Variants in CSMD1 observed in about 807,000 individuals in gnomAD.
CSMD1 encodes the protein CUB and sushi domain-containing protein 1.
In CSMD1, 213 loss-of-function variants were observed where a neutral mutation model predicts 417.5. The observed-to-expected ratio is 0.51, with a 90% CI of 0.46 to 0.57. CSMD1 has a LOEUF of 0.57. Ranked by LOEUF, CSMD1 falls within the 20% of genes least tolerant of loss-of-function variation. The probability of loss-of-function intolerance (pLI) is 0.00; values close to 1 mark genes in which losing one functional copy is unlikely to be tolerated. For missense variants in CSMD1, 6,923 were observed against 4,529.7 expected (o/e 1.53, Z -15.17); for synonymous variants, 2,862 against 1,736.8 (o/e 1.65, Z -16.11).
At chr8:4,015,447 C>A (rs1796475194) in intron 4 of CSMD1, among the ~76,000 whole-genome samples, 1 of 152,024 alleles carries the variant, frequency 6.6e-6, no homozygotes, top group South Asian at 2.1e-4. Context: ...GACATATTGC[C>A]ATTTCCAGTC....
chr8:4,093,465 A>G (rs1404953926), intron 3 of CSMD1, among the ~76,000 whole-genome samples: 1 of 152,230 alleles, frequency 6.6e-6, no homozygotes, highest in East Asian at 1.9e-4. Flanking sequence ...CTGAATTAAG[A>G]TATTAAATAG....
intron 6 of CSMD1, among the ~76,000 whole-genome samples, chr8:3,710,773 C>T (rs1298608683): frequency 3.3e-5 from 5 of 152,120 alleles, no homozygotes; most frequent in African/African-American, 4.8e-5. Flanking sequence ...ATTATGACAC[C>T]GCCAGCTCAT....
intron 3 of CSMD1, among the ~76,000 whole-genome samples, chr8:4,275,489 G>T (rs1213212109): frequency 2.3e-5 from 3 of 132,390 alleles, no homozygotes; most frequent in Non-Finnish European, 5.1e-5. Context: ...CTCGTAGAGG[G>T]AGTGATAGGA....
intron 37 of CSMD1, among the ~76,000 whole-genome samples, chr8:3,175,475 C>CTTT (rs1563111503): frequency 1.5e-5 from 2 of 132,470 alleles, no homozygotes; most frequent in Admixed American, 1.6e-4. Flanking sequence ...TCCTTCTTTT[C>CTTT]CCTTCCTTCC....
At chr8:4,068,775 A>C (rs1799391703) in intron 3 of CSMD1, among the ~76,000 whole-genome samples, 1 of 152,204 alleles carries the variant, frequency 6.6e-6, no homozygotes, top group Admixed American at 6.5e-5. Flanking sequence ...TTCTGAACAG[A>C]TTAGAATATT....
chr8:4,561,760 A>T (rs976699870), intron 2 of CSMD1, among the ~76,000 whole-genome samples: 1 of 152,204 alleles, frequency 6.6e-6, no homozygotes, highest in Non-Finnish European at 1.5e-5. Context: ...TATTTTGCAG[A>T]CACTTTACCT....
chr8:4,138,575 T>A (rs981159868), intron 3 of CSMD1, among the ~76,000 whole-genome samples: 1 of 152,080 alleles, frequency 6.6e-6, no homozygotes, highest in African/African-American at 2.4e-5. Context: ...CTGGATCAGA[T>A]CCTAGATTCT....
chr8:4,390,974 T>A (rs1188919588), intron 3 of CSMD1, among the ~76,000 whole-genome samples: 1 of 152,218 alleles, frequency 6.6e-6, no homozygotes. Context: ...ACAGATTCTG[T>A]AACTTTCTAC....
chr8:4,762,706 C>T (rs1318180718), intron 1 of CSMD1, among the ~76,000 whole-genome samples: 2 of 152,126 alleles, frequency 1.3e-5, no homozygotes, highest in Non-Finnish European at 2.9e-5. Context: ...CCAGATGCAT[C>T]ACCAGAGCGA....
At chr8:3,973,516 G>T (rs1388446808) in intron 5 of CSMD1, among the ~76,000 whole-genome samples, 2 of 151,986 alleles carry the variant, frequency 1.3e-5, no homozygotes, top group African/African-American at 2.4e-5. Flanking sequence ...AATCATTCTG[G>T]TATAAGAACA....
At chr8:3,673,476 G>C (rs1422499229) in intron 7 of CSMD1, among the ~76,000 whole-genome samples, 1 of 152,174 alleles carries the variant, frequency 6.6e-6, no homozygotes, top group Non-Finnish European at 1.5e-5. Flanking sequence ...GCAAGAATGT[G>C]TTTAACAACC....
Position 3,264,682 on chromosome 8 carries a change from A to C in CSMD1, c.4153+19462T>G, listed in dbSNP as rs566583201. 1.1e-3 allele frequency among the ~76,000 whole-genome samples: 165 copies of C among 152,288 alleles called. 1 individual carries two copies. Among genetic ancestry groups the C allele is most frequent in the Non-Finnish European group, 2.1e-3 (142 of 68,020 alleles). ...TCATCAAAACTGTGGGGTCGTAAAA[A>C]GAGTATTGTGTCCTAATTTAACTTA... On this transcript the variant is annotated intron_variant, in intron 26 of 69. Transcript: ENST00000635120.
chr8:4,279,231 C>A (rs186463752), intron 3 of CSMD1, among the ~76,000 whole-genome samples: 2 of 151,792 alleles, frequency 1.3e-5, no homozygotes, highest in Admixed American at 1.3e-4. Context: ...ATTAAGCAGT[C>A]GATGGCACAA....
chr8:4,296,386 A>C (rs993332366), intron 3 of CSMD1, among the ~76,000 whole-genome samples: 1 of 152,214 alleles, frequency 6.6e-6, no homozygotes, highest in African/African-American at 2.4e-5. Flanking sequence ...TTATTTCTAA[A>C]CATAATAATG....
chr8:3,275,656 C>G (rs560397511), intron 26 of CSMD1, among the ~76,000 whole-genome samples: 1 of 152,116 alleles, frequency 6.6e-6, no homozygotes, highest in African/African-American at 2.4e-5. Flanking sequence ...CTAAACTTCC[C>G]TTCTCGCTTC....
chr8:4,829,772 G>A (rs1196406340), intron 1 of CSMD1, among the ~76,000 whole-genome samples: 1 of 150,150 alleles, frequency 6.7e-6, no homozygotes, highest in African/African-American at 2.5e-5. Flanking sequence ...TCACATTTAT[G>A]TAGCTGTTTC....
rs73660329 is a variant in CSMD1, at chr8:3,595,926, G to A, written c.1098-9666C>T. 3.8e-3 allele frequency among the ~76,000 whole-genome samples: 572 copies of A among 152,240 alleles called. 1 individual carries two copies. The highest frequency in any genetic ancestry group is 0.013 in the African/African-American group (540 of 41,532). The stretch of plus-strand genomic sequence containing the variant: ...CATGGCTTGGGAAGGAGCTTTGCCC[G>A]CAAGCCCCTCTCCCATCTTCTTCTC... On this transcript the variant is annotated intron_variant, in intron 8 of 69. Transcript: ENST00000635120.
chr8:3,440,939 G>C lies in CSMD1; in HGVS notation c.1561+27773C>G, dbSNP rs186785672. On this transcript the variant is annotated intron_variant, in intron 12 of 69. Transcript: ENST00000635120. The stretch of plus-strand genomic sequence containing the variant: ...TCCCTTGTCCCCAGACGTGGTGACT[G>C]TGATTTTATTTGGAAAATGGGTCTT... Among the ~76,000 whole-genome samples, 98 of 152,292 alleles carry C rather than the reference G, an allele frequency of 6.4e-4. No individual in the cohort carries two copies. The Middle Eastern group carries it at 0.034, about 53-fold the overall frequency.
At chr8:4,541,527 T>G (rs559041257) in intron 2 of CSMD1, among the ~76,000 whole-genome samples, 1 of 151,946 alleles carries the variant, frequency 6.6e-6, no homozygotes. Flanking sequence ...CTGGGCCTAT[T>G]GCTTGAGGTC....
Sources: allele counts gnomAD v4.1 joint callset (sites outside exome capture counted in the v4.1 genomes callset), GRCh38; gene constraint gnomAD v4.1.1; transcripts MANE v1.5; gene names NCBI Gene and HGNC (gene_info 2026-07-23, HGNC 2026-07-21).